AEN: variants seen among roughly 807,000 people sequenced by gnomAD.
AEN encodes apoptosis-enhancing nuclease.
AEN carries 21 observed loss-of-function variants against 17.7 expected under a neutral mutation model. The observed-to-expected ratio is 1.19, with a 90% CI of 0.84 to 1.71. The LOEUF (loss-of-function observed/expected upper bound fraction) is 1.71. Among genes scored for constraint, AEN ranks in the 40% most tolerant of loss-of-function variants. The pLI, the probability that AEN is intolerant of heterozygous loss-of-function variation, is 0.00. For synonymous variants in AEN, 190 were observed against 173.0 expected (o/e 1.10, Z -0.77); for missense variants, 462 against 435.9 (o/e 1.06, Z -0.53).
chr15:88,626,469 G>T lies in AEN; in HGVS notation c.260G>T (p.Gly87Val). ...AGTGGGAAGCAGTGTCTGAGGGCTG[G>T]ATCTGGCAGTGCCCCATGCAGCAGA... ...ASSGKQCLRA[G>V]SGSAPCSRRP... is the part of the protein sequence containing the mutation. Residue 87 changes from glycine (G) to valine (V), a missense_variant, in exon 2 of 4, where the codon GGA (glycine) becomes GTA (valine). Physicochemically the swap from Gly to Val is moderately radical, Grantham distance 109. Coordinates refer to ENST00000332810, the MANE Select transcript of AEN (RefSeq NM_022767.4). 6.2e-7 allele frequency: 1 copy of T among 1,614,018 alleles called. No individual in the cohort carries two copies. Among genetic ancestry groups the T allele is most frequent in the Non-Finnish European group, 8.5e-7 (1 of 1,180,030 alleles).
intron 2 of AEN, chr15:88,626,992 A>T (rs1233062040): frequency 1.7e-5 from 9 of 530,104 alleles, no homozygotes; most frequent in Middle Eastern, 5.0e-4. Flanking sequence ...ACCAACTGTA[A>T]GGTGATAAAT....
the AEN span, among the ~76,000 whole-genome samples, chr15:88,613,551 C>T: frequency 3.0e-5 from 4 of 133,106 alleles, no homozygotes; most frequent in Admixed American, 8.1e-5. Flanking sequence ...GGAGATGGAA[C>T]GGGGAGAGAT....
At chr15:88,616,966 C>T (rs1054311466), upstream of AEN, among the ~76,000 whole-genome samples, 4 of 152,110 alleles carry the variant, frequency 2.6e-5, no homozygotes, top group East Asian at 1.9e-4. Context: ...TGGGTTTATC[C>T]GGACATGGCC....
rs1047278 is a variant in AEN, at chr15:88,631,943, C to G, written c.*1649C>G. 130,829 of 151,958 alleles carry G rather than the reference C, an allele frequency of 0.86. 57,033 individuals carry two copies. Among genetic ancestry groups the G allele is most frequent in the Middle Eastern group, 0.94 (272 of 290 alleles). 9.4% of individuals were successfully genotyped at this position (151,958 alleles called of 1,614,324 possible). A position where few individuals can be genotyped will look rare whatever the true frequency, so the allele number is the denominator to read the frequency against. On this transcript the variant is annotated 3_prime_UTR_variant, in exon 4 of 4. Coordinates refer to ENST00000332810, the MANE Select transcript of AEN (RefSeq NM_022767.4). ...AAGCAGCGCAGGGGTCAGGGAGGTA[C>G]AGACACTGCTGAAATCACACTACCC...
upstream of AEN, among the ~76,000 whole-genome samples, chr15:88,619,030 C>G (rs1452909168): frequency 6.6e-6 from 1 of 152,218 alleles, no homozygotes; most frequent in Non-Finnish European, 1.5e-5. Flanking sequence ...CTCCTGGCCT[C>G]AAGCAGTCCT....
rs1344265425 is a variant in AEN, at chr15:88,630,879, G to C, written c.*585G>C. The C allele has an allele frequency of 7.1e-6, 2 of 281,782 alleles. No homozygotes were observed. The highest frequency in any genetic ancestry group is 4.4e-5 in the African/African-American group (2 of 45,762). 17.5% of individuals were successfully genotyped at this position (281,782 alleles called of 1,614,324 possible). A position where few individuals can be genotyped will look rare whatever the true frequency, so the allele number is the denominator to read the frequency against. ...ATTTCTTCCCCACCTCCCTGACCTG[G>C]AACTCTGGCTACAGCCATTGTAGGA... On this transcript the variant is annotated 3_prime_UTR_variant, in exon 4 of 4. Transcript: ENST00000332810. The surrounding 1 kb of genome is among the most constrained non-coding windows in gnomAD (Gnocchi z 5.1).
chr15:88,628,324 A>T (rs2057880858), intron 2 of AEN: 1 of 152,282 alleles, frequency 6.6e-6, no homozygotes, highest in Non-Finnish European at 1.5e-5. Flanking sequence ...TTGGGGATAA[A>T]CATATGTTGC....
chr15:88,617,545 G>A (rs1006524048), upstream of AEN, among the ~76,000 whole-genome samples: 3 of 152,140 alleles, frequency 2.0e-5, no homozygotes, highest in Non-Finnish European at 4.4e-5. Context: ...GAGCCACAGC[G>A]CCCGGCCTTC....
At chr15:88,625,286 G>C (rs940350843) in intron 1 of AEN, among the ~76,000 whole-genome samples, 1 of 152,142 alleles carries the variant, frequency 6.6e-6, no homozygotes, top group African/African-American at 2.4e-5. Flanking sequence ...TTGGGAGGCC[G>C]AAGTGGGCGG....
At chr15:88,613,824 T>C in the AEN span, among the ~76,000 whole-genome samples, 35,359 of 152,114 alleles carry the variant, frequency 0.23, 4,651 homozygotes, top group Non-Finnish European at 0.29. Context: ...AGTAGGCAAG[T>C]GAAGTGTCAT....
At position 88,630,326 on chromosome 15, in the gene AEN, GGTGTGGCCGGTAGGAA is replaced by G; in HGVS notation, c.*36_*51del. 1 of 1,546,676 alleles carries G rather than the reference GGTGTGGCCGGTAGGAA, an allele frequency of 6.5e-7. No individual in the cohort carries two copies. Among genetic ancestry groups the G allele is most frequent in the East Asian group, 2.4e-5 (1 of 41,182 alleles). ...GGCGGGGCTCCCTGGCTGGGCTTCC[GGTGTGGCCGGTAGGAA>G]GTGGGGGCCAGGAGAGCAGCGGGCA... On this transcript the variant is annotated 3_prime_UTR_variant, in exon 4 of 4. Transcript: ENST00000332810. This position sits in a 1 kb window ranked among gnomAD's most constrained non-coding sequence, Gnocchi z 5.1.
upstream of AEN, among the ~76,000 whole-genome samples, chr15:88,621,009 G>T (rs1157909158): frequency 6.6e-6 from 1 of 152,002 alleles, no homozygotes; most frequent in Non-Finnish European, 1.5e-5. Context: ...TAAGTCATTC[G>T]GCCTTTGGTG....
At chr15:88,624,290 C>T (rs1164012552) in intron 1 of AEN, among the ~76,000 whole-genome samples, 2 of 151,968 alleles carry the variant, frequency 1.3e-5, no homozygotes, top group South Asian at 2.1e-4. Context: ...TGGGTGGTGG[C>T]GGAACAGTAG....
upstream of AEN, among the ~76,000 whole-genome samples, chr15:88,617,547 C>T (rs573412080): frequency 1.3e-5 from 2 of 152,294 alleles, no homozygotes; most frequent in East Asian, 3.9e-4. Context: ...GCCACAGCGC[C>T]CGGCCTTCAT....
At chr15:88,611,314 A>T in the AEN span, among the ~76,000 whole-genome samples, 1 of 151,864 alleles carries the variant, frequency 6.6e-6, no homozygotes, top group Admixed American at 6.6e-5. Flanking sequence ...AATATGCTCA[A>T]ATTGGGTGCA....
At chr15:88,615,066 T>C in the AEN span, among the ~76,000 whole-genome samples, 1 of 151,616 alleles carries the variant, frequency 6.6e-6, no homozygotes, top group South Asian at 2.1e-4. Context: ...AGGGTTTCAC[T>C]GTGCTAGCCA....
In AEN at chr15:88,626,229, C is replaced by G; in HGVS notation, c.20C>G (p.Pro7Arg). The change falls in exon 2 of 4, where the codon CCT becomes CGT. Residue 7 changes from proline to arginine, a missense_variant. Coordinates refer to ENST00000332810, the MANE Select transcript of AEN (RefSeq NM_022767.4). MVPREA[P>R]ESAQCLCPSL... ...ACTGGAATGGTACCCCGGGAGGCCCCTGAGTCTGCTCAGTGCCTGTGCCCT... is the reference window on the plus strand; with the variant it reads ...ACTGGAATGGTACCCCGGGAGGCCCGTGAGTCTGCTCAGTGCCTGTGCCCT... 6.3e-7 allele frequency: 1 copy of G among 1,596,838 alleles called. No homozygotes were observed. The highest frequency in any genetic ancestry group is 8.6e-7 in the Non-Finnish European group (1 of 1,169,406).
intron 1 of AEN, among the ~76,000 whole-genome samples, chr15:88,624,454 T>A (rs903884550): frequency 6.6e-6 from 1 of 152,112 alleles, no homozygotes; most frequent in Non-Finnish European, 1.5e-5. Context: ...GAGCAGTGGT[T>A]ATTGAGCCCC....
the AEN span, among the ~76,000 whole-genome samples, chr15:88,609,312 A>C: frequency 1.3e-5 from 2 of 152,226 alleles, no homozygotes; most frequent in Admixed American, 6.5e-5. Flanking sequence ...TGTTTGAACT[A>C]AATCCTACTG....
Sources: gnomAD v4.1 joint callset for allele counts (sites outside exome capture counted in the v4.1 genomes callset) on GRCh38, gnomAD v4.1.1 for gene constraint, Gnocchi (gnomAD v3.1) non-coding constraint, MANE v1.5 for transcripts, NCBI Gene and HGNC (gene_info 2026-07-23, HGNC 2026-07-21) for gene names.